RAD51B: variants seen among roughly 807,000 people sequenced by gnomAD.
RAD51B encodes the protein RAD51 paralog B.
A neutral mutation model predicts 42.2 loss-of-function variants in RAD51B; 38 were observed. The observed-to-expected ratio is 0.90, with a 90% CI of 0.70 to 1.18. The LOEUF (loss-of-function observed/expected upper bound fraction) is 1.18. Among genes scored for constraint, RAD51B ranks in the 50% most tolerant of loss-of-function variants. The pLI, the probability that RAD51B is intolerant of heterozygous loss-of-function variation, is 0.00. For missense variants in RAD51B, 373 were observed against 400.7 expected (o/e 0.93, Z 0.59); for synonymous variants, 154 against 145.2 (o/e 1.06, Z -0.43).
At chr14:68,493,182 CG>C (rs1192036452) in intron 10 of RAD51B, among the ~76,000 whole-genome samples, 1 of 152,176 alleles carries the variant, frequency 6.6e-6, no homozygotes, top group East Asian at 1.9e-4. Flanking sequence ...CCCATCCCCC[CG>C]GCCGAATGAC....
At chr14:68,505,595 G>T (rs1885257806) in intron 10 of RAD51B, among the ~76,000 whole-genome samples, 1 of 142,582 alleles carries the variant, frequency 7.0e-6, no homozygotes, top group East Asian at 2.0e-4. Flanking sequence ...CCGTTGCCCA[G>T]GCTGGAGGGC....
At chr14:67,935,232 T>A (rs1003030243) in intron 7 of RAD51B, among the ~76,000 whole-genome samples, 3 of 152,224 alleles carry the variant, frequency 2.0e-5, no homozygotes, top group Non-Finnish European at 4.4e-5. Flanking sequence ...CTTTAAGATT[T>A]TTTTTACATA....
Position 68,236,911 on chromosome 14 carries a change from C to G in RAD51B, c.757-54973C>G, listed in dbSNP as rs541106682. Among the ~76,000 whole-genome samples the G allele has an allele frequency of 2.3e-4, 35 of 152,316 alleles. No homozygotes were observed. The South Asian group carries it at 6.8e-3, about 30-fold the overall frequency. On this transcript the variant is annotated intron_variant, in intron 7 of 10. Transcript: ENST00000471583. Reference sequence around the variant, plus strand: ...GTGTCATTTGTATGCAGCCCCTTAACTAATTGTAACAGTCTGTTCCTTAAG... The same window carrying G: ...GTGTCATTTGTATGCAGCCCCTTAAGTAATTGTAACAGTCTGTTCCTTAAG...
intron 11 of RAD51B, among the ~76,000 whole-genome samples, chr14:68,651,272 A>C (rs1334675711): frequency 6.6e-6 from 1 of 152,180 alleles, no homozygotes; most frequent in Non-Finnish European, 1.5e-5. Flanking sequence ...CCCCAGGCTC[A>C]GGTGGTCCTC....
intron 9 of RAD51B, among the ~76,000 whole-genome samples, chr14:68,421,451 G>C (rs948582724): frequency 3.3e-5 from 5 of 152,050 alleles, no homozygotes; most frequent in African/African-American, 1.2e-4. Flanking sequence ...TGAGTGGAGT[G>C]GGGGGACCTC....
intron 7 of RAD51B, among the ~76,000 whole-genome samples, chr14:68,141,970 T>C (rs1376089996): frequency 2.0e-5 from 3 of 152,148 alleles, no homozygotes; most frequent in Admixed American, 2.0e-4. Flanking sequence ...TCCATTCATA[T>C]GTTGGTTTCC....
At chr14:68,294,836 T>C (rs977541335) in intron 8 of RAD51B, among the ~76,000 whole-genome samples, 5 of 152,218 alleles carry the variant, frequency 3.3e-5, no homozygotes, top group African/African-American at 1.2e-4. Flanking sequence ...TTCCTCCCTG[T>C]ATGTTTTCTC....
intron 7 of RAD51B, among the ~76,000 whole-genome samples, chr14:68,037,830 A>G (rs2076158301): frequency 6.6e-6 from 1 of 152,204 alleles, no homozygotes; most frequent in Admixed American, 6.5e-5. Flanking sequence ...GAGATAAACA[A>G]TGTACTTTCT....
downstream of RAD51B, among the ~76,000 whole-genome samples, chr14:68,615,007 G>A (rs1197108353): frequency 1.3e-5 from 2 of 152,122 alleles, no homozygotes; most frequent in Non-Finnish European, 2.9e-5. Context: ...CAAGTAGCTG[G>A]GACTACAGCT....
chr14:68,614,333 A>C (rs988756782), downstream of RAD51B, among the ~76,000 whole-genome samples: 5 of 152,260 alleles, frequency 3.3e-5, no homozygotes, highest in Non-Finnish European at 7.3e-5. Context: ...AAAATCATTT[A>C]TACCAAATAC....
chr14:67,929,019 C>T (rs765335723), intron 7 of RAD51B, among the ~76,000 whole-genome samples: 6 of 151,896 alleles, frequency 4.0e-5, no homozygotes, highest in Non-Finnish European at 5.9e-5. Context: ...GTCAAGGTAG[C>T]GGTTTATCAA....
chr14:67,860,559 A>C (rs758915684), intron 4 of RAD51B, among the ~76,000 whole-genome samples: 1 of 152,200 alleles, frequency 6.6e-6, no homozygotes, highest in Non-Finnish European at 1.5e-5. Flanking sequence ...AAGGAATAAT[A>C]CATGTTAAAT....
At chr14:67,962,824 C>T (rs1295000631) in intron 7 of RAD51B, among the ~76,000 whole-genome samples, 2 of 152,056 alleles carry the variant, frequency 1.3e-5, no homozygotes, top group Admixed American at 6.6e-5. Context: ...AGACTGTAAA[C>T]ACTCTACATC....
intron 7 of RAD51B, among the ~76,000 whole-genome samples, chr14:68,026,316 A>T (rs1316296297): frequency 6.6e-6 from 1 of 152,196 alleles, no homozygotes; most frequent in East Asian, 1.9e-4. Flanking sequence ...AAGAATATAT[A>T]TTCTGTGGTT....
chr14:67,829,959 TA>T (rs951577969), intron 3 of RAD51B, among the ~76,000 whole-genome samples: 2 of 152,188 alleles, frequency 1.3e-5, no homozygotes, highest in Admixed American at 1.3e-4. Context: ...ATACTTTAGC[TA>T]AAACATGAAA....
chr14:68,597,791 T>C (rs957075469), downstream of RAD51B, among the ~76,000 whole-genome samples: 4 of 83,642 alleles, frequency 4.8e-5, no homozygotes, highest in Non-Finnish European at 9.2e-5. Flanking sequence ...CCTCCAAACC[T>C]AAAATACAAG....
At chr14:68,421,771 A>C in intron 9 of RAD51B, 4 of 1,597,996 alleles carry the variant, frequency 2.5e-6, no homozygotes, top group Non-Finnish European at 3.4e-6. Context: ...AAAGCACTCC[A>C]TGCCTCCACA....
intron 7 of RAD51B, among the ~76,000 whole-genome samples, chr14:67,937,254 A>G (rs1195426695): frequency 6.6e-6 from 1 of 152,200 alleles, no homozygotes; most frequent in Non-Finnish European, 1.5e-5. Flanking sequence ...GTGAAACATA[A>G]TGTCCTACAG....
chr14:67,840,412 C>T (rs2140307508), intron 4 of RAD51B, among the ~76,000 whole-genome samples: 1 of 152,248 alleles, frequency 6.6e-6, no homozygotes, highest in Admixed American at 6.5e-5. Context: ...TGTTAATTCA[C>T]TTAGGATAAT....
Sources: allele counts gnomAD v4.1 joint callset (sites outside exome capture counted in the v4.1 genomes callset), GRCh38; gene constraint gnomAD v4.1.1; transcripts MANE v1.5; gene names NCBI Gene and HGNC (gene_info 2026-07-23, HGNC 2026-07-21).